RASGRP3: variants seen among roughly 807,000 people sequenced by gnomAD.
The protein encoded by RASGRP3 is ras guanyl-releasing protein 3.
In RASGRP3, 54 loss-of-function variants were observed where a neutral mutation model predicts 82.7. That is an observed-to-expected ratio of 0.65 (90% CI 0.52 to 0.82). The LOEUF is 0.82. Among genes scored for constraint, RASGRP3 ranks in the 40% least tolerant of loss-of-function variants. RASGRP3 has a pLI of 0.00. For synonymous variants in RASGRP3, 309 were observed against 300.5 expected (o/e 1.03, Z -0.29); for missense variants, 861 against 828.9 (o/e 1.04, Z -0.48).
chr2:33,476,758 C>CGTGTATGTGTGTGTGTGT (rs1667410835), intron 1 of RASGRP3, 51 bp downstream of exon 1: 10 of 140,258 alleles, frequency 7.1e-5, no homozygotes, highest in Non-Finnish European at 1.5e-4. Flanking sequence ...ATTCCCTCTC[C>CGTGTATGTGTGTGTGTGT]GTGTGTGTGT....
At chr2:33,452,074 T>A (rs1255157337) in intron 2 of RASGRP3, among the ~76,000 whole-genome samples, 1 of 152,188 alleles carries the variant, frequency 6.6e-6, no homozygotes, top group Non-Finnish European at 1.5e-5. Flanking sequence ...TCTGCCTTGT[T>A]CTTTTTTATG....
chr2:33,534,540 C>G (rs563680017), intron 11 of RASGRP3, 140 bp downstream of exon 11: 1 of 698,678 alleles, frequency 1.4e-6, no homozygotes, highest in South Asian at 2.0e-5. Flanking sequence ...TTTCTTTTTT[C>G]TTTTTTGAGG....
intron 14 of RASGRP3, among the ~76,000 whole-genome samples, chr2:33,552,625 G>A (rs1013011993): frequency 5.9e-5 from 9 of 152,194 alleles, no homozygotes; most frequent in African/African-American, 2.2e-4. Context: ...TGGTTCCAGT[G>A]CCGGAACCAT....
rs1666436320 is a variant in RASGRP3, at chr2:33,462,522, C to T, written c.-261+14579C>T. The stretch of plus-strand genomic sequence containing the variant: ...CCTCCCAAGTAGCTGGAATTACATG[C>T]AGCCGCCACCATAGCCCGGCTAGAT... On this transcript the variant is annotated intron_variant, in intron 2 of 18. Transcript: ENST00000402538. Among the ~76,000 whole-genome samples the T allele has an allele frequency of 2.0e-5, 3 of 152,120 alleles. No homozygotes were observed. The East Asian group carries it at 5.8e-4, about 29-fold the overall frequency.
At chr2:33,471,774 C>T (rs565719738), upstream of RASGRP3, among the ~76,000 whole-genome samples, 10 of 152,168 alleles carry the variant, frequency 6.6e-5, no homozygotes, top group African/African-American at 2.4e-4. Context: ...CTTCCTGGGT[C>T]AGTTTGCTTC....
chr2:33,524,861 C>T (rs547671878), intron 9 of RASGRP3, among the ~76,000 whole-genome samples: 2 of 152,048 alleles, frequency 1.3e-5, no homozygotes, highest in South Asian at 4.2e-4. Context: ...GGGCGGATCA[C>T]AAGGTCAGGA....
intron 1 of RASGRP3, among the ~76,000 whole-genome samples, chr2:33,437,799 C>G (rs553536853): frequency 1.5e-4 from 23 of 151,476 alleles, no homozygotes; most frequent in Non-Finnish European, 3.2e-4. Flanking sequence ...ATAGAAAGAT[C>G]ATGATTTCTT....
At chr2:33,557,463 A>G (rs924931732) in intron 15 of RASGRP3, among the ~76,000 whole-genome samples, 44 of 152,156 alleles carry the variant, frequency 2.9e-4, no homozygotes, top group Non-Finnish European at 3.7e-4. Context: ...TAATCCCAGC[A>G]CTTTGGGAGG....
chr2:33,447,981 G>A (rs1665589048), intron 2 of RASGRP3: 1 of 152,036 alleles, frequency 6.6e-6, no homozygotes, highest in Non-Finnish European at 1.5e-5. Flanking sequence ...ATTTTCTCAA[G>A]TCTCTTTCAG....
intron 1 of RASGRP3, among the ~76,000 whole-genome samples, chr2:33,477,872 T>C (rs1574287671): frequency 6.6e-6 from 1 of 152,100 alleles, no homozygotes; most frequent in African/African-American, 2.4e-5. Flanking sequence ...AGAGGGGCTG[T>C]TTTTATTTGA....
Position 33,523,956 on chromosome 2 carries a change from T to C in RASGRP3, c.594T>C (p.Phe198=). 6.2e-7 allele frequency: 1 copy of C among 1,613,972 alleles called. No individual in the cohort carries two copies. Among genetic ancestry groups the C allele is most frequent in the Non-Finnish European group, 8.5e-7 (1 of 1,179,850 alleles). Residue 198 remains phenylalanine (F), a synonymous_variant, in exon 8 of 18, where the codon TTT becomes TTC. Transcript: ENST00000403687. ...NPTLERSIAL[F]NGISKWVQLM... ...CCTTGGAAAGATCGATTGCTTTATT[T>C]AATGGAATCTCTAAGTGGGTCCAGT...
At chr2:33,458,614 G>T (rs191201003) in intron 2 of RASGRP3, among the ~76,000 whole-genome samples, 102 of 152,292 alleles carry the variant, frequency 6.7e-4, no homozygotes, top group African/African-American at 2.3e-3. Flanking sequence ...TTAGATAGTG[G>T]ACCCTATTCC....
intron 10 of RASGRP3, 194 bp from the exon 11 acceptor site, chr2:33,534,129 G>T (rs1673367621): frequency 1.7e-6 from 1 of 578,804 alleles, no homozygotes; most frequent in Non-Finnish European, 3.1e-6. Flanking sequence ...CGTCAATACT[G>T]ATGATTAACC....
chr2:33,534,503 T>G (rs1038393910), intron 11 of RASGRP3, 103 bp downstream of exon 11: 1 of 789,130 alleles, frequency 1.3e-6, no homozygotes, highest in African/African-American at 1.8e-5. Context: ...AACGGAAGAA[T>G]TTTAAAAATT....
chr2:33,509,140 C>A (rs564053955), intron 1 of RASGRP3, among the ~76,000 whole-genome samples: 1 of 152,144 alleles, frequency 6.6e-6, no homozygotes, highest in African/African-American at 2.4e-5. Flanking sequence ...GTGGCTCATG[C>A]GTGTAATCCC....
At chr2:33,468,828 C>G (rs983612223) in intron 2 of RASGRP3, among the ~76,000 whole-genome samples, 20 of 152,102 alleles carry the variant, frequency 1.3e-4, no homozygotes, top group African/African-American at 4.6e-4. Flanking sequence ...GTGAAATATC[C>G]TTATACATAT....
At chr2:33,490,306 T>C (rs900157740) in intron 1 of RASGRP3, among the ~76,000 whole-genome samples, 2 of 152,244 alleles carry the variant, frequency 1.3e-5, no homozygotes, top group African/African-American at 4.8e-5. Context: ...ACAAACTTGT[T>C]GAGCTCATAT....
chr2:33,446,866 G>A (rs1665527865), intron 1 of RASGRP3, among the ~76,000 whole-genome samples: 1 of 151,900 alleles, frequency 6.6e-6, no homozygotes. Flanking sequence ...GGACTGGGCC[G>A]GGTGCGGTGG....
At chr2:33,437,299 A>C (rs1427257518) in intron 1 of RASGRP3, among the ~76,000 whole-genome samples, 2 of 152,234 alleles carry the variant, frequency 1.3e-5, no homozygotes, top group African/African-American at 4.8e-5. Flanking sequence ...AAATGGATTA[A>C]ATCCAAGAAC....
Sources: gnomAD v4.1 joint callset for allele counts (sites outside exome capture counted in the v4.1 genomes callset) on GRCh38, gnomAD v4.1.1 for gene constraint, MANE v1.5 for transcripts, NCBI Gene and HGNC (gene_info 2026-07-23, HGNC 2026-07-21) for gene names.